ARHGEF28: variants seen among roughly 807,000 people sequenced by gnomAD.
ARHGEF28 encodes the protein 190 kDa guanine nucleotide exchange factor.
Under a neutral mutation model 206.6 loss-of-function variants are expected in ARHGEF28, and 152 were observed. The observed-to-expected ratio is 0.74, with a 90% CI of 0.64 to 0.84. The LOEUF is 0.84. Among genes scored for constraint, ARHGEF28 ranks in the 40% least tolerant of loss-of-function variants. ARHGEF28 has a pLI of 0.00. For missense variants in ARHGEF28, 2,028 were observed against 2,073.2 expected, an observed-to-expected ratio of 0.98 and a Z score of 0.42; for synonymous variants, 763 against 776.4, an observed-to-expected ratio of 0.98 and a Z score of 0.29.
intron 1 of ARHGEF28, among the ~76,000 whole-genome samples, chr5:73,633,467 C>A (rs1743496163): frequency 1.3e-5 from 2 of 151,432 alleles, no homozygotes; most frequent in South Asian, 4.2e-4. Context: ...CAGTTTTTGT[C>A]TATTTCTCTC....
chr5:73,630,821 G>A (rs1267690116), intron 1 of ARHGEF28, among the ~76,000 whole-genome samples: 1 of 152,208 alleles, frequency 6.6e-6, no homozygotes, highest in Non-Finnish European at 1.5e-5. Context: ...ATGTGAATGT[G>A]ATGTATTTGT....
chr5:73,649,742 T>G (rs1202698860), intron 1 of ARHGEF28, among the ~76,000 whole-genome samples: 1 of 152,230 alleles, frequency 6.6e-6, no homozygotes, highest in African/African-American at 2.4e-5. Flanking sequence ...GTGTGCTTGC[T>G]TCAGGAGGAA....
intron 2 of ARHGEF28, among the ~76,000 whole-genome samples, chr5:73,746,822 A>G (rs1751745580): frequency 6.6e-6 from 1 of 152,054 alleles, no homozygotes; most frequent in Admixed American, 6.6e-5. Context: ...CTATGCTACC[A>G]TTACTCTGTT....
intron 6 of ARHGEF28, among the ~76,000 whole-genome samples, chr5:73,778,620 A>G (rs901943706): frequency 1.3e-5 from 2 of 152,254 alleles, no homozygotes; most frequent in Non-Finnish European, 2.9e-5. Flanking sequence ...CCGAGAAGGA[A>G]GGGCTGAGAG....
chr5:73,806,270 G>GAT (rs1385320306), intron 9 of ARHGEF28, among the ~76,000 whole-genome samples: 1 of 132,406 alleles, frequency 7.6e-6, no homozygotes, highest in Non-Finnish European at 1.6e-5. Context: ...AGTATATATA[G>GAT]ATATATATAC....
chr5:73,660,733 C>T (rs1745544385), intron 1 of ARHGEF28, among the ~76,000 whole-genome samples: 1 of 152,144 alleles, frequency 6.6e-6, no homozygotes, highest in African/African-American at 2.4e-5. Flanking sequence ...CTTGGGTTAC[C>T]AGGTACATTG....
At chr5:73,909,940 AG>A in intron 34 of ARHGEF28, 43 bp downstream of exon 34, 1 of 1,475,382 alleles carries the variant, frequency 6.8e-7, no homozygotes, top group Non-Finnish European at 8.9e-7. Context: ...TCTCAAAGAC[AG>A]GGGTGGGCCT....
intron 2 of ARHGEF28, among the ~76,000 whole-genome samples, chr5:73,687,039 T>A (rs1747519103): frequency 6.6e-6 from 1 of 152,214 alleles, no homozygotes; most frequent in Non-Finnish European, 1.5e-5. Flanking sequence ...TCCTGGCAGA[T>A]GTCATTACCT....
chr5:73,655,790 A>T lies in ARHGEF28; in HGVS notation c.-11-29051A>T, dbSNP rs188927988. 2.6e-5 allele frequency among the ~76,000 whole-genome samples: 4 copies of T among 152,234 alleles called. No individual in the cohort carries two copies. In the East Asian group the frequency reaches 7.7e-4, roughly 29 times the overall value. On this transcript the variant is annotated intron_variant, in intron 1 of 35. Transcript: ENST00000513042. ...TCCTTGACCATTAGAAAACCTGAAC[A>T]TGTTTTTCTTTGGAAAATAATCATG...
intron 2 of ARHGEF28, among the ~76,000 whole-genome samples, chr5:73,740,872 C>T (rs1751339396): frequency 6.6e-6 from 1 of 152,144 alleles, no homozygotes; most frequent in Non-Finnish European, 1.5e-5. Context: ...AGGCTGCTCC[C>T]TCAGTGATGC....
chr5:73,815,575 G>C (rs923404524), intron 9 of ARHGEF28, among the ~76,000 whole-genome samples: 1 of 152,158 alleles, frequency 6.6e-6, no homozygotes, highest in Non-Finnish European at 1.5e-5. Context: ...AATTTGGGTT[G>C]TAATCTGCTT....
intron 19 of ARHGEF28, 22 bp downstream of exon 19, chr5:73,868,042 C>T (rs1759823023): frequency 6.2e-7 from 1 of 1,613,614 alleles, no homozygotes. Flanking sequence ...TGTGTTTTTA[C>T]ATATTAATGG....
intron 9 of ARHGEF28, among the ~76,000 whole-genome samples, chr5:73,798,946 G>C (rs1342940872): frequency 2.0e-5 from 3 of 152,106 alleles, no homozygotes; most frequent in African/African-American, 7.2e-5. Flanking sequence ...AATTAGCCAG[G>C]CGTGGTGGCG....
rs554021176 is a variant in ARHGEF28 at position 73,839,667 on chromosome 5, G to C, written c.1147-813G>C. 1.8e-4 allele frequency among the ~76,000 whole-genome samples: 28 copies of C among 152,290 alleles called. No homozygotes were observed. In the East Asian group the frequency reaches 4.8e-3, roughly 26 times the overall value. ...TTCCGTCCTTTCTCTGCCATTCAGAGTTTCCCGACTCCCCTTACCCTCCGC... is the reference window on the plus strand; with the variant it reads ...TTCCGTCCTTTCTCTGCCATTCAGACTTTCCCGACTCCCCTTACCCTCCGC... On this transcript the variant is annotated intron_variant, in intron 10 of 35. Coordinates refer to ENST00000513042, the MANE Select transcript of ARHGEF28 (RefSeq NM_001177693.2).
At chr5:73,730,969 A>C (rs1442295719) in intron 2 of ARHGEF28, among the ~76,000 whole-genome samples, 1 of 151,172 alleles carries the variant, frequency 6.6e-6, no homozygotes, top group Non-Finnish European at 1.5e-5. Context: ...TGCAATGATC[A>C]GATGAAATTC....
rs183620050 is a variant in ARHGEF28, at chr5:73,632,114, G to A, written c.-12+5792G>A. Among the ~76,000 whole-genome samples the A allele has an allele frequency of 4.9e-4, 74 of 152,256 alleles. 3 individuals are homozygous for A. Among genetic ancestry groups the A allele is most frequent in the African/African-American group, 6.5e-4 (27 of 41,526 alleles). The stretch of plus-strand genomic sequence containing the variant: ...TTATTTAGTTATTTTGCTAACTGTC[G>A]TCTCAAGTCCTTCTTGTTTGCAGCA... On this transcript the variant is annotated intron_variant, in intron 1 of 35. Coordinates refer to ENST00000513042, the MANE Select transcript of ARHGEF28 (RefSeq NM_001177693.2).
chr5:73,845,011 A>ATTTTTTTTTT (rs70973277), intron 11 of ARHGEF28, among the ~76,000 whole-genome samples: 38 of 99,366 alleles, frequency 3.8e-4, no homozygotes, highest in African/African-American at 1.5e-3. Context: ...CAAAGGAATC[A>ATTTTTTTTTT]TTTTTTTTTT....
chr5:73,851,022 GGACTA>G (rs1224504271), intron 13 of ARHGEF28, among the ~76,000 whole-genome samples: 2 of 152,036 alleles, frequency 1.3e-5, no homozygotes, highest in Non-Finnish European at 2.9e-5. Context: ...CAATACCATA[GGACTA>G]TGAAAAATAA....
At chr5:73,642,747 G>T (rs1357152824) in intron 1 of ARHGEF28, among the ~76,000 whole-genome samples, 1 of 152,080 alleles carries the variant, frequency 6.6e-6, no homozygotes, top group Non-Finnish European at 1.5e-5. Context: ...AGTAAGGGGT[G>T]TATTATCTGC....
Sources: gnomAD v4.1 joint callset for allele counts (sites outside exome capture counted in the v4.1 genomes callset) on GRCh38, gnomAD v4.1.1 for gene constraint, MANE v1.5 for transcripts, NCBI Gene and HGNC (gene_info 2026-07-23, HGNC 2026-07-21) for gene names.